Variants in DNAJC1 observed in about 807,000 individuals in gnomAD.
DNAJC1 encodes the protein DnaJ heat shock protein family (Hsp40) member C1, also known as dnaJ homolog subfamily C member 1.
A neutral mutation model predicts 76.6 loss-of-function variants in DNAJC1; 58 were observed. That is an observed-to-expected ratio of 0.76 (90% CI 0.61 to 0.94). The LOEUF (loss-of-function observed/expected upper bound fraction) is 0.94. Ranked by LOEUF, DNAJC1 falls within the 40% of genes least tolerant of loss-of-function variation. The probability of loss-of-function intolerance (pLI) is 0.00; values close to 1 mark genes in which losing one functional copy is unlikely to be tolerated. For synonymous variants in DNAJC1, 258 were observed against 267.9 expected (o/e 0.96, Z 0.36); for missense variants, 689 against 677.3 (o/e 1.02, Z -0.19).
intron 8 of DNAJC1, among the ~76,000 whole-genome samples, chr10:21,815,901 G>A (rs1271626920): frequency 1.3e-5 from 2 of 151,190 alleles, no homozygotes; most frequent in African/African-American, 2.4e-5. Flanking sequence ...CCGCCACCAC[G>A]TCTGGCTAAT....
chr10:21,757,877 GC>G (rs964071904), intron 11 of DNAJC1, among the ~76,000 whole-genome samples: 5 of 152,148 alleles, frequency 3.3e-5, no homozygotes, highest in Admixed American at 3.3e-4. Context: ...AAGGTTTCCA[GC>G]CCCCCAGGTA....
chr10:21,793,311 G>A (rs571890825), intron 9 of DNAJC1, among the ~76,000 whole-genome samples: 5 of 152,180 alleles, frequency 3.3e-5, no homozygotes, highest in Admixed American at 3.3e-4. Flanking sequence ...TCAGGGGTTG[G>A]GGGGCCGGGA....
chr10:21,896,716 G>A (rs1219626208), intron 7 of DNAJC1, among the ~76,000 whole-genome samples: 1 of 151,960 alleles, frequency 6.6e-6, no homozygotes, highest in African/African-American at 2.4e-5. Flanking sequence ...TTGTATGTGA[G>A]AAGGATATAA....
At chr10:21,861,754 AG>A (rs137969964) in intron 8 of DNAJC1, among the ~76,000 whole-genome samples, 18,627 of 152,070 alleles carry the variant, frequency 0.12, 1,382 homozygotes, top group East Asian at 0.19. Context: ...TGGTAACGTC[AG>A]GAAGTTACCC....
chr10:21,949,411 C>CT (rs1201250094), intron 1 of DNAJC1, among the ~76,000 whole-genome samples: 1,926 of 70,158 alleles, frequency 0.027, 55 homozygotes, highest in African/African-American at 0.072. Flanking sequence ...CCCCCTTCTT[C>CT]TTTTTTTTTT....
At chr10:21,784,581 C>T (rs1276177487) in intron 9 of DNAJC1, among the ~76,000 whole-genome samples, 4 of 152,126 alleles carry the variant, frequency 2.6e-5, no homozygotes, top group Admixed American at 6.5e-5. Context: ...AATCATGCTG[C>T]TATAAAGACA....
chr10:21,836,755 A>G (rs1225771101), intron 8 of DNAJC1, among the ~76,000 whole-genome samples: 1 of 152,198 alleles, frequency 6.6e-6, no homozygotes, highest in Non-Finnish European at 1.5e-5. Context: ...TGGTAAAGGG[A>G]TCAATTCAAC....
Position 21,794,076 on chromosome 10 carries a change from A to G in DNAJC1, c.1098+11904T>C, listed in dbSNP as rs571067835. Among the ~76,000 whole-genome samples, 13 of 152,294 alleles carry G rather than the reference A, an allele frequency of 8.5e-5. No homozygotes were observed. In the East Asian group the frequency reaches 2.1e-3, roughly 25 times the overall value. ...GATCGCTTGAGGTCAGGAGTTTGAGACCAGCCTTGGCAACATAGTGAGATT... is the reference window on the plus strand; with the variant it reads ...GATCGCTTGAGGTCAGGAGTTTGAGGCCAGCCTTGGCAACATAGTGAGATT... On this transcript the variant is annotated intron_variant, in intron 9 of 11. Coordinates refer to ENST00000376980, the MANE Select transcript of DNAJC1 (RefSeq NM_022365.4).
chr10:21,813,050 C>CATATATAT (rs1417760204), intron 8 of DNAJC1, among the ~76,000 whole-genome samples: 1 of 142,110 alleles, frequency 7.0e-6, no homozygotes, highest in African/African-American at 2.7e-5. Flanking sequence ...CACACACACA[C>CATATATAT]ACATATATAT....
intron 3 of DNAJC1, among the ~76,000 whole-genome samples, chr10:21,921,277 C>G (rs1028629261): frequency 2.6e-5 from 4 of 151,778 alleles, no homozygotes; most frequent in Non-Finnish European, 4.4e-5. Flanking sequence ...GTCTACTAGT[C>G]TATAGTAAAG....
In DNAJC1 at chr10:21,968,746, G is replaced by A. The variant is rs1170358227; in HGVS notation, c.222+34467C>T. Among the ~76,000 whole-genome samples the A allele has an allele frequency of 4.6e-5, 7 of 151,968 alleles. No homozygotes were observed. In the East Asian group the frequency reaches 5.8e-4, roughly 13 times the overall value. ...AGGATGGTCTCAATCTCCTGACCTC[G>A]TGATCTGCCCACCTAGGCCCTGCAA... On this transcript the variant is annotated intron_variant, in intron 1 of 11. Transcript: ENST00000376980.
chr10:21,960,474 G>A (rs754311807), intron 1 of DNAJC1, among the ~76,000 whole-genome samples: 4 of 152,162 alleles, frequency 2.6e-5, no homozygotes, highest in Non-Finnish European at 5.9e-5. Flanking sequence ...CACTTTAGGA[G>A]ACTGAGATAG....
chr10:21,766,780 G>A (rs550593644), intron 9 of DNAJC1, among the ~76,000 whole-genome samples: 1 of 152,162 alleles, frequency 6.6e-6, no homozygotes, highest in East Asian at 1.9e-4. Context: ...AGACCAGCCT[G>A]TCCAACATGG....
chr10:21,774,944 G>A (rs1834434084), intron 9 of DNAJC1, among the ~76,000 whole-genome samples: 1 of 152,152 alleles, frequency 6.6e-6, no homozygotes, highest in South Asian at 2.1e-4. Context: ...AAGGTTTCCT[G>A]ATACATTGTC....
intron 1 of DNAJC1, among the ~76,000 whole-genome samples, chr10:21,999,218 C>T (rs1838473435): frequency 6.6e-6 from 1 of 152,214 alleles, no homozygotes; most frequent in Admixed American, 6.5e-5. Flanking sequence ...CTCACCACTT[C>T]ACCAAAACAG....
chr10:21,793,836 C>T (rs1425653037), intron 9 of DNAJC1, among the ~76,000 whole-genome samples: 1 of 152,028 alleles, frequency 6.6e-6, no homozygotes, highest in Non-Finnish European at 1.5e-5. Flanking sequence ...CCCTGTAGTC[C>T]CAGCTACTGG....
At chr10:21,829,253 C>T (rs1359358397) in intron 8 of DNAJC1, among the ~76,000 whole-genome samples, 6 of 150,306 alleles carry the variant, frequency 4.0e-5, no homozygotes, top group Non-Finnish European at 7.4e-5. Context: ...CTCGCTTTGT[C>T]GCCCAGGCTG....
At chr10:21,840,024 A>G (rs907674648) in intron 8 of DNAJC1, among the ~76,000 whole-genome samples, 2 of 152,248 alleles carry the variant, frequency 1.3e-5, no homozygotes, top group African/African-American at 4.8e-5. Context: ...CAATAGATGC[A>G]GAAAAGGCCT....
intron 10 of DNAJC1, among the ~76,000 whole-genome samples, chr10:21,765,036 T>C (rs1388419869): frequency 6.6e-6 from 1 of 152,196 alleles, no homozygotes; most frequent in African/African-American, 2.4e-5. Flanking sequence ...AGTTCCTTAC[T>C]CTGAGCTGCG....
Sources: gnomAD v4.1 joint callset for allele counts (sites outside exome capture counted in the v4.1 genomes callset) on GRCh38, gnomAD v4.1.1 for gene constraint, MANE v1.5 for transcripts, NCBI Gene and HGNC (gene_info 2026-07-23, HGNC 2026-07-21) for gene names.